ANK3: variants seen among roughly 807,000 people sequenced by gnomAD.
The protein encoded by ANK3 is ankyrin-3.
In ANK3, 57 loss-of-function variants were observed where a neutral mutation model predicts 370.9. The ratio of observed to expected loss-of-function variants is 0.15; its 90% confidence interval spans 0.12 to 0.19. ANK3 has a LOEUF of 0.19. ANK3 is among the 10% of genes least tolerant of loss of function. The probability of loss-of-function intolerance (pLI) is 1.00; values close to 1 mark genes in which losing one functional copy is unlikely to be tolerated. For missense variants in ANK3, 4,439 were observed against 5,302.1 expected (o/e 0.84, Z 5.06); for synonymous variants, 1,929 against 1,946.3 (o/e 0.99, Z 0.23).
intron 2 of ANK3, among the ~76,000 whole-genome samples, chr10:60,476,986 CACT>C (rs2075082338): frequency 1.3e-5 from 2 of 152,066 alleles, no homozygotes; most frequent in African/African-American, 4.8e-5. Flanking sequence ...AATGGTGGCA[CACT>C]AAAGGAAAGA....
rs2072459152 is a variant in ANK3 at position 60,027,377 on chromosome 10, AT to A, written c.*2468del. ...AATTTTGGTGCAAGGGTAGTGGCAC[AT>A]TTTATTTATTTGGGATACCATGCAG... is the stretch of plus-strand genomic sequence containing the variant. On this transcript the variant is annotated 3_prime_UTR_variant, in exon 44 of 44. Coordinates refer to ENST00000280772, the MANE Select transcript of ANK3 (RefSeq NM_020987.5). The A allele has an allele frequency of 6.8e-6, 1 of 147,868 alleles. No individual in the cohort carries two copies. Among genetic ancestry groups the A allele is most frequent in the Non-Finnish European group, 1.5e-5 (1 of 67,472 alleles). 9.2% of individuals were successfully genotyped at this position (147,868 alleles called of 1,614,324 possible).
chr10:60,357,207 C>T (rs566363378), intron 1 of ANK3, among the ~76,000 whole-genome samples: 15 of 152,284 alleles, frequency 9.9e-5, no homozygotes, highest in African/African-American at 2.6e-4. Flanking sequence ...CACTCCAAGG[C>T]TCTTTCTCCA....
At chr10:60,239,430 T>C (rs1050341407) in intron 7 of ANK3, among the ~76,000 whole-genome samples, 9 of 151,610 alleles carry the variant, frequency 5.9e-5, no homozygotes, top group African/African-American at 2.2e-4. Flanking sequence ...ACAAAGATAA[T>C]AGGTAGAGTG....
At position 60,042,803 on chromosome 10, in the gene ANK3, G is replaced by T. The variant is rs2393607; in HGVS notation, c.13066-44C>A. On this transcript the variant is annotated intron_variant, in intron 42 of 43. Transcript: ENST00000280772. ...TATTAAGATTTCACAGTGAAACAGT[G>T]TTAGTTATAAAGCAGTCCATTCTGA... The T allele has an allele frequency of 0.76, 1,216,286 of 1,604,790 alleles. 461,187 individuals carry two copies. Among genetic ancestry groups the T allele is most frequent in the East Asian group, 0.79 (35,382 of 44,722 alleles).
intron 4 of ANK3, among the ~76,000 whole-genome samples, chr10:60,272,469 T>C (rs141336146): frequency 0.028 from 2,924 of 102,978 alleles, 35 homozygotes; most frequent in South Asian, 0.072. Context: ...GTTGTTGTTG[T>C]TGTTGTTCTT....
chr10:60,501,573 T>G (rs1443177127), intron 2 of ANK3, among the ~76,000 whole-genome samples: 1 of 151,650 alleles, frequency 6.6e-6, no homozygotes, highest in East Asian at 1.9e-4. Flanking sequence ...GGCGTGGTGG[T>G]GCACACCTGT....
chr10:60,598,524 G>A (rs942875553), intron 2 of ANK3, among the ~76,000 whole-genome samples: 8 of 152,154 alleles, frequency 5.3e-5, no homozygotes, highest in African/African-American at 1.9e-4. Flanking sequence ...CAAAGCAAGT[G>A]TATAAAATTA....
chr10:60,394,699 G>C (rs1035302388), upstream of ANK3, among the ~76,000 whole-genome samples: 15 of 152,184 alleles, frequency 9.9e-5, no homozygotes, highest in Non-Finnish European at 1.8e-4. Context: ...TAACCCAAAG[G>C]AGTAGACTGG....
At chr10:60,346,038 C>T (rs1370759492) in intron 1 of ANK3, among the ~76,000 whole-genome samples, 2 of 151,940 alleles carry the variant, frequency 1.3e-5, no homozygotes, top group East Asian at 1.9e-4. Context: ...ATGATTGGGT[C>T]GAGAACATGT....
chr10:60,469,295 A>ATATACCACTTTTAGTGTG (rs2065119682), intron 2 of ANK3, among the ~76,000 whole-genome samples: 4 of 147,518 alleles, frequency 2.7e-5, no homozygotes, highest in African/African-American at 7.3e-5. Context: ...GTGTATATAT[A>ATATACCACTTTTAGTGTG]TATATATATA....
chr10:60,515,996 G>T (rs1246844862), intron 2 of ANK3, among the ~76,000 whole-genome samples: 1 of 152,036 alleles, frequency 6.6e-6, no homozygotes, highest in South Asian at 2.1e-4. Flanking sequence ...ATAAATCAGT[G>T]TGTCACTACC....
At chr10:60,364,538 T>G (rs2059126658) in intron 1 of ANK3, among the ~76,000 whole-genome samples, 1 of 151,156 alleles carries the variant, frequency 6.6e-6, no homozygotes, top group Non-Finnish European at 1.5e-5. Context: ...CACTGGGGCC[T>G]GTTGGGGGGT....
chr10:60,108,152 T>A, intron 27 of ANK3: 1 of 407,812 alleles, frequency 2.5e-6, no homozygotes, highest in Non-Finnish European at 4.8e-6. Context: ...AAAAAAAAAT[T>A]GTAGACATTC....
intron 16 of ANK3, among the ~76,000 whole-genome samples, chr10:60,189,111 C>G (rs1398125732): frequency 6.6e-6 from 1 of 152,200 alleles, no homozygotes; most frequent in Non-Finnish European, 1.5e-5. Context: ...AACCCCCTAA[C>G]AAGGTAAGGC....
rs1164557614 is a variant in ANK3 at position 60,485,677 on chromosome 10, T to G, written c.96+129509A>C. On this transcript the variant is annotated intron_variant, in intron 2 of 43. Coordinates refer to the ANK3 transcript ENST00000373827. Reference sequence around the variant, plus strand: ...GTACATCTGCCATACTGATTTAAAATTAGGTGTGGGCATTGTTGTGGCAGA... The same window carrying G: ...GTACATCTGCCATACTGATTTAAAAGTAGGTGTGGGCATTGTTGTGGCAGA... Among the ~76,000 whole-genome samples, 9 of 152,188 alleles carry G rather than the reference T, an allele frequency of 5.9e-5. No homozygotes were observed. The East Asian group carries it at 1.7e-3, about 29-fold the overall frequency.
intron 2 of ANK3, among the ~76,000 whole-genome samples, chr10:60,521,855 TCTTCTGGCTGTAGCAG>T (rs2076355141): frequency 6.6e-6 from 1 of 152,096 alleles, no homozygotes; most frequent in Admixed American, 6.6e-5. Flanking sequence ...TACATCACTG[TCTTCTGGCTGTAGCAG>T]ATAATGAAAG....
chr10:60,260,894 A>G (rs913178713), intron 7 of ANK3, among the ~76,000 whole-genome samples: 1 of 152,120 alleles, frequency 6.6e-6, no homozygotes, highest in African/African-American at 2.4e-5. Context: ...TCTATTCTTT[A>G]TGAATTACCC....
intron 23 of ANK3, among the ~76,000 whole-genome samples, chr10:60,147,637 T>C (rs923081480): frequency 1.3e-5 from 2 of 152,140 alleles, no homozygotes; most frequent in Non-Finnish European, 2.9e-5. Context: ...CTGGTGCTGT[T>C]CTCGTGATAG....
At chr10:60,145,649 T>C (rs2094780805) in intron 23 of ANK3, among the ~76,000 whole-genome samples, 1 of 152,204 alleles carries the variant, frequency 6.6e-6, no homozygotes, top group Admixed American at 6.5e-5. Context: ...GTGGAATAAA[T>C]ACTCCAAGAT....
Sources: allele counts gnomAD v4.1 joint callset (sites outside exome capture counted in the v4.1 genomes callset), GRCh38; gene constraint gnomAD v4.1.1; transcripts MANE v1.5; gene names NCBI Gene and HGNC (gene_info 2026-07-23, HGNC 2026-07-21).